ABCA1: variants seen among roughly 807,000 people sequenced by gnomAD.
ABCA1 encodes the protein ATP binding cassette subfamily A member 1, also known as phospholipid-transporting ATPase ABCA1.
In ABCA1, 133 loss-of-function variants were observed where a neutral mutation model predicts 262.5. The observed-to-expected ratio is 0.51, with a 90% confidence interval of 0.44 to 0.59. ABCA1 has a LOEUF of 0.59. ABCA1 is among the 20% of genes least tolerant of loss of function. The pLI is 0.00. For missense variants in ABCA1, 2,452 were observed against 2,777.5 expected, an observed-to-expected ratio of 0.88 and a Z score of 2.63; for synonymous variants, 1,022 against 1,043.5, an observed-to-expected ratio of 0.98 and a Z score of 0.40.
chr9:104,911,532 T>C (rs1841499949), intron 1 of ABCA1, among the ~76,000 whole-genome samples: 1 of 152,130 alleles, frequency 6.6e-6, no homozygotes, highest in Non-Finnish European at 1.5e-5. Flanking sequence ...ATCCTGCAAT[T>C]TCTCCCAGGC....
At chr9:104,911,061 T>C (rs753570141) in intron 1 of ABCA1, among the ~76,000 whole-genome samples, 1 of 152,202 alleles carries the variant, frequency 6.6e-6, no homozygotes, top group South Asian at 2.1e-4. Flanking sequence ...AATTGAGGTA[T>C]AATAGACAAA....
chr9:104,867,043 T>C (rs1355075786), intron 5 of ABCA1, among the ~76,000 whole-genome samples: 1 of 152,162 alleles, frequency 6.6e-6, no homozygotes, highest in Non-Finnish European at 1.5e-5. Context: ...CCTGATGTGA[T>C]TTGGGGAATT....
At chr9:104,879,082 A>G (rs912303524) in intron 5 of ABCA1, among the ~76,000 whole-genome samples, 3 of 151,930 alleles carry the variant, frequency 2.0e-5, no homozygotes, top group African/African-American at 4.8e-5. Context: ...TTAAAAAAAA[A>G]AAAGAAAGAA....
At position 104,806,252 on chromosome 9, in the gene ABCA1, G is replaced by A. The variant is rs1830752861; in HGVS notation, c.4453C>T (p.Pro1485Ser). ...TGAAAGTGACTCACTTGTGGAGGAG[G>A]CAGCCCCCCTGCCCCTGGGGGACAC... ...PVCPPGAGGL[P>S]PPQRKQNTAD... The change falls in exon 31 of 50, where the codon CCT becomes TCT. Residue 1485 changes from proline (P) to serine (S), a missense_variant. Coordinates refer to ENST00000374736, the MANE Select transcript of ABCA1 (RefSeq NM_005502.4). The A allele has an allele frequency of 6.2e-7, 1 of 1,612,878 alleles. No homozygotes were observed. The highest frequency in any genetic ancestry group is 8.5e-7 in the Non-Finnish European group (1 of 1,180,022).
At position 104,847,884 on chromosome 9, in the gene ABCA1, T is replaced by C. The variant is rs138061243; in HGVS notation, c.721-2315A>G. 3.1e-4 allele frequency among the ~76,000 whole-genome samples: 47 copies of C among 152,358 alleles called. No individual in the cohort carries two copies. The East Asian group carries it at 8.3e-3, about 27-fold the overall frequency. On this transcript the variant is annotated intron_variant, in intron 7 of 49. Transcript: ENST00000374736. ...ATAGGTTGTGTATAGATATACTATA[T>C]GCATCCATGTATGTTTTTACGTATA... is the stretch of plus-strand genomic sequence containing the variant.
chr9:104,852,049 A>G (rs1166640542), intron 7 of ABCA1, among the ~76,000 whole-genome samples: 2 of 152,228 alleles, frequency 1.3e-5, no homozygotes, highest in Non-Finnish European at 2.9e-5. Context: ...TTTTCAACAC[A>G]ATACACAATT....
intron 1 of ABCA1, among the ~76,000 whole-genome samples, chr9:104,907,503 A>C (rs1841234220): frequency 6.6e-6 from 1 of 152,198 alleles, no homozygotes; most frequent in Non-Finnish European, 1.5e-5. Context: ...TAATTAATTA[A>C]GAGACGGATA....
chr9:104,905,300 GC>G (rs1245521695), intron 1 of ABCA1, among the ~76,000 whole-genome samples: 3 of 152,232 alleles, frequency 2.0e-5, no homozygotes, highest in African/African-American at 7.2e-5. Flanking sequence ...AGATCTCCAT[GC>G]CAAGGTCAGT....
chr9:104,877,260 C>T (rs1380379673), intron 5 of ABCA1, among the ~76,000 whole-genome samples: 1 of 152,332 alleles, frequency 6.6e-6, no homozygotes, highest in African/African-American at 2.4e-5. Context: ...TTTTAAAGCA[C>T]TTTTACTTGA....
rs754407364 is a variant in ABCA1, at chr9:104,800,736, G to A, written c.4699-152C>T. Reference sequence around the variant, plus strand: ...TTAAATGTGAAGCCATTAAATAAACGGCTCCTGAGAACCAAGTGACTAGAA... The same window carrying A: ...TTAAATGTGAAGCCATTAAATAAACAGCTCCTGAGAACCAAGTGACTAGAA... On this transcript the variant is annotated intron_variant, in intron 34 of 49. Transcript: ENST00000374736. 6.6e-5 allele frequency: 49 copies of A among 739,528 alleles called. No individual in the cohort carries two copies. In the Middle Eastern group the frequency reaches 7.6e-4, roughly 11 times the overall value. The allele number at this position is 739,528 out of a possible 1,614,324, so 45.8% of individuals were successfully genotyped here.
chr9:104,884,781 G>C (rs995594849), intron 3 of ABCA1, among the ~76,000 whole-genome samples: 1 of 152,222 alleles, frequency 6.6e-6, no homozygotes, highest in Admixed American at 6.5e-5. Flanking sequence ...GTAGAATGGG[G>C]TTCATGATAC....
intron 37 of ABCA1, 37 bp downstream of exon 37, chr9:104,798,384 C>CA (rs1415230394): frequency 6.2e-7 from 1 of 1,609,030 alleles, no homozygotes; most frequent in African/African-American, 1.3e-5. Flanking sequence ...ATGGCCCTGA[C>CA]AGACATCAGA....
chr9:104,864,307 C>T (rs549017625), intron 5 of ABCA1, among the ~76,000 whole-genome samples: 2 of 152,260 alleles, frequency 1.3e-5, no homozygotes, highest in South Asian at 4.2e-4. Flanking sequence ...CCCCAGGCCA[C>T]ACCCCAGGAG....
chr9:104,836,871 G>C lies in ABCA1; in HGVS notation c.1311+109C>G, dbSNP rs553679356. The C allele has an allele frequency of 3.4e-6, 3 of 887,670 alleles. No individual in the cohort carries two copies. In the African/African-American group the frequency reaches 4.9e-5, roughly 15 times the overall value. 55.0% of individuals were successfully genotyped at this position (887,670 alleles called of 1,614,324 possible). The stretch of plus-strand genomic sequence containing the variant: ...TAGCTATGCTCACTACATTCCCCCA[G>C]CTAGATAAACTGAAAGAATTCTCAC... On this transcript the variant is annotated intron_variant, in intron 11 of 49. Transcript: ENST00000374736.
At chr9:104,796,949 T>C (rs1829948669) in intron 37 of ABCA1, among the ~76,000 whole-genome samples, 1 of 152,176 alleles carries the variant, frequency 6.6e-6, no homozygotes, top group Non-Finnish European at 1.5e-5. Flanking sequence ...GACTTGACGA[T>C]AGGACAATTA....
At chr9:104,926,449 C>CAA (rs33976424) in intron 1 of ABCA1, among the ~76,000 whole-genome samples, 1 of 132,668 alleles carries the variant, frequency 7.5e-6, no homozygotes, top group Non-Finnish European at 1.6e-5. Context: ...AACACGCTAA[C>CAA]AAAAAAAAAA....
At chr9:104,862,651 G>C (rs190512285) in intron 5 of ABCA1, among the ~76,000 whole-genome samples, 3,075 of 6,448 alleles carry the variant, frequency 0.48, 577 homozygotes, top group Middle Eastern at 0.58. Context: ...GGCCGGGCCG[G>C]GCCGGGCCGG....
chr9:104,793,299 C>T lies in ABCA1; in HGVS notation c.5508G>A (p.Gly1836=), dbSNP rs1829591278. Residue 1836 remains glycine, a splice_region_variant and synonymous_variant, in exon 41 of 50, where the codon GGG becomes GGA. Transcript: ENST00000374736. ...QAMADALERF[G]ENRFVSPLSW... is the part of the protein sequence containing the mutation. The stretch of plus-strand genomic sequence containing the variant: ...ATAATGGTGACACAAAGCGATTCTC[C>T]CCTAGTAGACACAATGCAGAGATCC... The T allele has an allele frequency of 6.2e-7, 1 of 1,613,974 alleles. No individual in the cohort carries two copies. Among genetic ancestry groups the T allele is most frequent in the African/African-American group, 1.3e-5 (1 of 74,896 alleles).
chr9:104,899,511 T>C (rs568775432), intron 2 of ABCA1, among the ~76,000 whole-genome samples: 1 of 152,078 alleles, frequency 6.6e-6, no homozygotes, highest in South Asian at 2.1e-4. Flanking sequence ...CTGGCCAACA[T>C]GCTAAAACCA....
Sources: gnomAD v4.1 joint callset for allele counts (sites outside exome capture counted in the v4.1 genomes callset) on GRCh38, gnomAD v4.1.1 for gene constraint, MANE v1.5 for transcripts, NCBI Gene and HGNC (gene_info 2026-07-23, HGNC 2026-07-21) for gene names.